MAP4K3: variants seen among roughly 807,000 people sequenced by gnomAD.
The protein encoded by MAP4K3 is MAPK/ERK kinase kinase kinase 3.
A neutral mutation model predicts 143.5 loss-of-function variants in MAP4K3; 94 were observed. The observed-to-expected ratio is 0.65, with a 90% confidence interval of 0.55 to 0.78. The LOEUF is 0.78. Ranked by LOEUF, MAP4K3 falls within the 30% of genes least tolerant of loss-of-function variation. The pLI is 0.00. For synonymous variants in MAP4K3, 416 were observed against 347.2 expected (o/e 1.20, Z -2.20); for missense variants, 1,077 against 1,068.1 (o/e 1.01, Z -0.12).
intron 1 of MAP4K3, among the ~76,000 whole-genome samples, chr2:39,411,769 G>A (rs1378594673): frequency 6.6e-6 from 1 of 152,160 alleles, no homozygotes; most frequent in Non-Finnish European, 1.5e-5. Context: ...TGAAAAAAAT[G>A]TGACGATCTG....
chr2:39,394,162 G>C (rs998261532), intron 1 of MAP4K3, among the ~76,000 whole-genome samples: 2 of 152,124 alleles, frequency 1.3e-5, no homozygotes, highest in South Asian at 4.1e-4. Context: ...ACGAGAGAAT[G>C]GCCAATATGA....
chr2:39,309,739 T>C (rs1369353326), intron 13 of MAP4K3, among the ~76,000 whole-genome samples: 4 of 151,658 alleles, frequency 2.6e-5, no homozygotes, highest in African/African-American at 9.7e-5. Context: ...TTTGTATTTT[T>C]AGTAGAGACG....
intron 1 of MAP4K3, among the ~76,000 whole-genome samples, chr2:39,383,635 C>T (rs1486559864): frequency 6.6e-6 from 1 of 151,506 alleles, no homozygotes; most frequent in Non-Finnish European, 1.5e-5. Context: ...ATAATTCTAC[C>T]AGTACAATAA....
At chr2:39,388,247 A>G (rs751619172) in intron 1 of MAP4K3, among the ~76,000 whole-genome samples, 3 of 152,188 alleles carry the variant, frequency 2.0e-5, no homozygotes, top group African/African-American at 7.2e-5. Flanking sequence ...TCAGACCCCA[A>G]TGTGCGTAAA....
intron 29 of MAP4K3, among the ~76,000 whole-genome samples, chr2:39,259,040 C>T (rs1486257767): frequency 2.7e-5 from 4 of 147,144 alleles, no homozygotes; most frequent in Non-Finnish European, 5.9e-5. Flanking sequence ...CTGCTCAGGC[C>T]GAAATGCTGT....
At chr2:39,294,076 C>G (rs1682169325) in intron 16 of MAP4K3, 1 of 152,142 alleles carries the variant, frequency 6.6e-6, no homozygotes, top group Non-Finnish European at 1.5e-5. Flanking sequence ...ACTCGATAGA[C>G]TTCTCAAAGC....
chr2:39,392,351 GT>G (rs796142605), intron 1 of MAP4K3, among the ~76,000 whole-genome samples: 4 of 152,228 alleles, frequency 2.6e-5, no homozygotes, highest in African/African-American at 9.6e-5. Flanking sequence ...AACATTGTAT[GT>G]TTATTAAGCG....
intron 3 of MAP4K3, among the ~76,000 whole-genome samples, chr2:39,344,254 G>A (rs1665221946): frequency 6.6e-6 from 1 of 152,084 alleles, no homozygotes; most frequent in Non-Finnish European, 1.5e-5. Flanking sequence ...TAAACATATC[G>A]AATTAGATTG....
intron 22 of MAP4K3, among the ~76,000 whole-genome samples, chr2:39,281,995 ACCAG>A (rs1351861211): frequency 1.3e-5 from 2 of 152,118 alleles, no homozygotes; most frequent in South Asian, 2.1e-4. Context: ...GAAGTTCAAG[ACCAG>A]CCTGGCCAAT....
chr2:39,342,016 C>A (rs1665153460), intron 4 of MAP4K3, among the ~76,000 whole-genome samples: 1 of 151,938 alleles, frequency 6.6e-6, no homozygotes, highest in Non-Finnish European at 1.5e-5. Flanking sequence ...CGACCCCACA[C>A]CCACACCAAC....
At chr2:39,253,023 A>T (rs928636066) in intron 32 of MAP4K3, among the ~76,000 whole-genome samples, 3 of 152,146 alleles carry the variant, frequency 2.0e-5, no homozygotes, top group African/African-American at 7.2e-5. Context: ...TCTTTCTCTG[A>T]CTAGTGTTTA....
intron 12 of MAP4K3, among the ~76,000 whole-genome samples, chr2:39,317,152 G>A (rs1445585836): frequency 1.3e-5 from 2 of 152,032 alleles, no homozygotes; most frequent in African/African-American, 2.4e-5. Flanking sequence ...ACAAAAAGAA[G>A]CAATGGGGAG....
At chr2:39,352,891 A>G (rs1665499060) in intron 3 of MAP4K3, among the ~76,000 whole-genome samples, 1 of 152,108 alleles carries the variant, frequency 6.6e-6, no homozygotes, top group Non-Finnish European at 1.5e-5. Context: ...AATTTGTTAT[A>G]CAGGTTGTAA....
chr2:39,288,142 G>A lies in MAP4K3; in HGVS notation c.1453C>T (p.Pro485Ser), dbSNP rs758467087. ...PPRPPPPRLP[P>S]HKPVALGNGM... ...TTACCTAAGGCAACAGGTTTGTGTGGGGGTAATCTGGGAGGTGGTGGTCTA... is the reference window on the plus strand; with the variant it reads ...TTACCTAAGGCAACAGGTTTGTGTGAGGGTAATCTGGGAGGTGGTGGTCTA... The change falls in exon 20 of 34, where the codon CCA becomes TCA. Residue 485 changes from proline to serine, a missense_variant. Physicochemically the swap from Pro to Ser is moderately conservative, Grantham distance 74. Coordinates refer to ENST00000263881, the MANE Select transcript of MAP4K3 (RefSeq NM_003618.4). The A allele has an allele frequency of 6.2e-7, 1 of 1,614,090 alleles. No homozygotes were observed. Among genetic ancestry groups the A allele is most frequent in the South Asian group, 1.1e-5 (1 of 91,066 alleles).
intron 2 of MAP4K3, among the ~76,000 whole-genome samples, chr2:39,359,533 T>C (rs1425433112): frequency 6.6e-6 from 1 of 152,246 alleles, no homozygotes; most frequent in Admixed American, 6.5e-5. Flanking sequence ...ACAGTTCCAC[T>C]AGGCAGTGCT....
At chr2:39,393,868 G>C (rs1475790996) in intron 1 of MAP4K3, among the ~76,000 whole-genome samples, 1 of 151,962 alleles carries the variant, frequency 6.6e-6, no homozygotes. Flanking sequence ...TACTGAGTTT[G>C]GTTAAAAAAA....
At chr2:39,303,518 G>C (rs548638891) in intron 15 of MAP4K3, among the ~76,000 whole-genome samples, 1 of 151,988 alleles carries the variant, frequency 6.6e-6, no homozygotes, top group East Asian at 1.9e-4. Flanking sequence ...CCCCTACATA[G>C]TCATTAACAT....
At chr2:39,265,350 T>C in intron 27 of MAP4K3, 44 bp from the exon 28 acceptor site, 1 of 1,146,314 alleles carries the variant, frequency 8.7e-7, no homozygotes. Context: ...TAAAACAAAG[T>C]CATTATGACA....
At chr2:39,428,042 T>C (rs1665150566) in intron 1 of MAP4K3, among the ~76,000 whole-genome samples, 1 of 152,248 alleles carries the variant, frequency 6.6e-6, no homozygotes, top group South Asian at 2.1e-4. Flanking sequence ...ATTCACTCTT[T>C]CAGGAAGTCA....
Sources: allele counts gnomAD v4.1 joint callset (sites outside exome capture counted in the v4.1 genomes callset), GRCh38; gene constraint gnomAD v4.1.1; transcripts MANE v1.5; gene names NCBI Gene and HGNC (gene_info 2026-07-23, HGNC 2026-07-21).